Variants in NTNG1 observed in about 807,000 individuals in gnomAD.
NTNG1 encodes netrin-G1.
A neutral mutation model predicts 54.0 loss-of-function variants in NTNG1; 16 were observed. The observed-to-expected ratio is 0.30, with a 90% CI of 0.20 to 0.45. The LOEUF (loss-of-function observed/expected upper bound fraction) is 0.45. Among genes scored for constraint, NTNG1 ranks in the 20% least tolerant of loss-of-function variants. The pLI is 1.00. For missense variants in NTNG1, 530 were observed against 678.7 expected, an observed-to-expected ratio of 0.78 and a Z score of 2.43; for synonymous variants, 255 against 263.1, an observed-to-expected ratio of 0.97 and a Z score of 0.30.
chr1:107,261,335 A>G (rs1212500000), intron 2 of NTNG1, among the ~76,000 whole-genome samples: 2 of 152,100 alleles, frequency 1.3e-5, no homozygotes, highest in Non-Finnish European at 2.9e-5. Flanking sequence ...AGCATCTAAG[A>G]TTTTCTTAAA....
intron 3 of NTNG1, among the ~76,000 whole-genome samples, chr1:107,334,335 C>G (rs149517254): frequency 6.6e-6 from 1 of 151,672 alleles, no homozygotes; most frequent in African/African-American, 2.4e-5. Flanking sequence ...TTGTCCTGGC[C>G]GCTTTTACTC....
intron 2 of NTNG1, among the ~76,000 whole-genome samples, chr1:107,170,685 CTATTG>C (rs1244263435): frequency 3.3e-5 from 5 of 151,448 alleles, no homozygotes; most frequent in Non-Finnish European, 7.4e-5. Flanking sequence ...TTAATAGTAG[CTATTG>C]TATTGAATGT....
intron 5 of NTNG1, among the ~76,000 whole-genome samples, chr1:107,411,230 A>C (rs1673780275): frequency 6.6e-6 from 1 of 152,176 alleles, no homozygotes; most frequent in South Asian, 2.1e-4. Flanking sequence ...AGTTCACTTA[A>C]GGGAAATAGC....
At chr1:107,183,116 A>G (rs1339673316) in intron 2 of NTNG1, among the ~76,000 whole-genome samples, 1 of 152,188 alleles carries the variant, frequency 6.6e-6, no homozygotes, top group Non-Finnish European at 1.5e-5. Flanking sequence ...CAGAGCATTT[A>G]ATTCCGTGCT....
At chr1:107,199,276 T>C (rs1218038873) in intron 2 of NTNG1, among the ~76,000 whole-genome samples, 2 of 4,340 alleles carry the variant, frequency 4.6e-4, no homozygotes, top group Non-Finnish European at 1.5e-3. Flanking sequence ...ATTTTATTAC[T>C]TCTTTTTTTT....
chr1:107,437,198 T>C (rs1159427549), intron 7 of NTNG1, among the ~76,000 whole-genome samples: 2 of 152,218 alleles, frequency 1.3e-5, no homozygotes, highest in Non-Finnish European at 2.9e-5. Context: ...TTAAATGATA[T>C]CTACATAACT....
intron 2 of NTNG1, among the ~76,000 whole-genome samples, chr1:107,301,888 G>A (rs10494068): frequency 0.091 from 13,873 of 152,152 alleles, 835 homozygotes; most frequent in East Asian, 0.2. Flanking sequence ...TTATGAGGGA[G>A]AGCGTCTATA....
At chr1:107,416,690 T>G (rs1674226209) in intron 5 of NTNG1, among the ~76,000 whole-genome samples, 1 of 152,084 alleles carries the variant, frequency 6.6e-6, no homozygotes, top group Non-Finnish European at 1.5e-5. Context: ...AAAATTGATT[T>G]AATATAAAAT....
intron 2 of NTNG1, among the ~76,000 whole-genome samples, chr1:107,183,175 C>T (rs531201452): frequency 6.6e-6 from 1 of 152,266 alleles, no homozygotes; most frequent in African/African-American, 2.4e-5. Context: ...GGGGCACCCC[C>T]TACCTTAACT....
chr1:107,306,201 TA>T (rs1312133078), intron 2 of NTNG1, among the ~76,000 whole-genome samples: 1 of 152,198 alleles, frequency 6.6e-6, no homozygotes, highest in African/African-American at 2.4e-5. Context: ...ATGAAACAGG[TA>T]AAATAATTTT....
chr1:107,270,283 T>C (rs1664055700), intron 2 of NTNG1, among the ~76,000 whole-genome samples: 1 of 152,236 alleles, frequency 6.6e-6, no homozygotes, highest in Admixed American at 6.5e-5. Context: ...CACAGATAGT[T>C]TAGTAAGATA....
intron 2 of NTNG1, among the ~76,000 whole-genome samples, chr1:107,234,705 A>C (rs1661293936): frequency 6.6e-6 from 1 of 152,222 alleles, no homozygotes; most frequent in South Asian, 2.1e-4. Flanking sequence ...TATTCTAATC[A>C]CATATAAGCC....
chr1:107,276,130 A>T (rs1184212373), intron 2 of NTNG1, among the ~76,000 whole-genome samples: 1 of 152,196 alleles, frequency 6.6e-6, no homozygotes, highest in East Asian at 1.9e-4. Flanking sequence ...TGTACATCAC[A>T]GGTAGGGATC....
chr1:107,189,373 G>A (rs1212011856), intron 2 of NTNG1, among the ~76,000 whole-genome samples: 2 of 123,524 alleles, frequency 1.6e-5, no homozygotes, highest in African/African-American at 5.4e-5. Flanking sequence ...AAAAGTTTGG[G>A]TGAATTTAGA....
intron 2 of NTNG1, among the ~76,000 whole-genome samples, chr1:107,303,170 T>C (rs56047079): frequency 0.015 from 2,245 of 152,316 alleles, 57 homozygotes; most frequent in African/African-American, 0.051. Context: ...CAATATCTTC[T>C]GACTTCCCAG....
chr1:107,268,957 C>A (rs150825939), intron 2 of NTNG1, among the ~76,000 whole-genome samples: 3 of 152,104 alleles, frequency 2.0e-5, no homozygotes, highest in African/African-American at 7.2e-5. Flanking sequence ...GGATAACTGA[C>A]GTAATCTATC....
In NTNG1 at chr1:107,324,365, A is replaced by C. The variant is rs756154456; in HGVS notation, c.330A>C (p.Glu110Asp). ...CCCCTGAGCTGATGTTTGATTTTGA[A>C]GGAAGACATCCCTCCACATTTTGGC... Reference protein sequence around the residue: ...AHPPELMFDFEGRHPSTFWQS... With the variant: ...AHPPELMFDFDGRHPSTFWQS... Residue 110 changes from glutamate to aspartate, a missense_variant, in exon 3 of 8, where the codon GAA becomes GAC. This residue lies in a region of NTNG1 where 318 missense variants were observed against 465.1 expected (regional missense o/e 0.68). Transcript: ENST00000370068. 1 of 1,613,716 alleles carries C rather than the reference A, an allele frequency of 6.2e-7. No individual in the cohort carries two copies. The highest frequency in any genetic ancestry group is 8.5e-7 in the Non-Finnish European group (1 of 1,179,830).
chr1:107,466,834 A>T (rs1677637273), intron 7 of NTNG1, among the ~76,000 whole-genome samples: 1 of 152,160 alleles, frequency 6.6e-6, no homozygotes, highest in African/African-American at 2.4e-5. Flanking sequence ...TAAGTATCTT[A>T]CCTCTCTCCT....
chr1:107,345,841 C>A (rs1402896102), intron 3 of NTNG1, among the ~76,000 whole-genome samples: 3 of 152,112 alleles, frequency 2.0e-5, no homozygotes, highest in African/African-American at 2.4e-5. Context: ...GTGAGCAATA[C>A]CCTCTTCTCA....
Sources: gnomAD v4.1 joint callset for allele counts (sites outside exome capture counted in the v4.1 genomes callset) on GRCh38, gnomAD v4.1.1 for gene constraint, gnomAD v4.1.1 regional missense constraint, MANE v1.5 for transcripts, NCBI Gene and HGNC (gene_info 2026-07-23, HGNC 2026-07-21) for gene names.